The following CREBBP variants were observed in gnomAD, a reference collection of about 807,000 sequenced individuals.
CREBBP encodes CREB-binding protein.
CREBBP carries 19 observed loss-of-function variants against 265.0 expected under a neutral mutation model. That is an observed-to-expected ratio of 0.07 (90% CI 0.05 to 0.11). The LOEUF (loss-of-function observed/expected upper bound fraction) is 0.11, where lower values mean the gene tolerates loss of function less well. Among genes scored for constraint, CREBBP ranks in the 10% least tolerant of loss-of-function variants. The pLI, the probability that CREBBP is intolerant of heterozygous loss-of-function variation, is 1.00. For synonymous variants in CREBBP, 1,457 were observed against 1,223.7 expected (o/e 1.19, Z -3.98); for missense variants, 2,525 against 3,219.0 (o/e 0.78, Z 5.22).
At chr16:3,869,117 T>TGGTGA (rs1463010975) in intron 1 of CREBBP, among the ~76,000 whole-genome samples, 1 of 152,160 alleles carries the variant, frequency 6.6e-6, no homozygotes, top group Non-Finnish European at 1.5e-5. Flanking sequence ...CCATCTCCTA[T>TGGTGA]TCACCCTCAG....
intron 2 of CREBBP, among the ~76,000 whole-genome samples, chr16:3,817,770 A>G (rs931660217): frequency 1.3e-5 from 2 of 152,152 alleles, no homozygotes; most frequent in South Asian, 2.1e-4. Flanking sequence ...TTGCAGGCCA[A>G]ACTCCACTGG....
chr16:3,731,997 GC>G lies in CREBBP; in HGVS notation c.4729-61del. On this transcript the variant is annotated intron_variant, in intron 28 of 30. Coordinates refer to ENST00000262367, the MANE Select transcript of CREBBP (RefSeq NM_004380.3). This position sits in a 1 kb window ranked among gnomAD's most constrained non-coding sequence, Gnocchi z 7.7. ...GTGCCCCTCCACACTTGGCACGGAC[GC>G]CCAGCTCCCAGGCCGTGGGCATCAG... The G allele has an allele frequency of 1.2e-6, 2 of 1,612,884 alleles. No homozygotes were observed. The highest frequency in any genetic ancestry group is 8.5e-7 in the Non-Finnish European group (1 of 1,179,990).
chr16:3,862,148 C>T (rs752842553), intron 1 of CREBBP, among the ~76,000 whole-genome samples: 5 of 152,154 alleles, frequency 3.3e-5, no homozygotes, highest in African/African-American at 7.2e-5. Flanking sequence ...TAAATTAACA[C>T]GTATGTCATA....
At chr16:3,735,173 C>T (rs775437853) in intron 28 of CREBBP, among the ~76,000 whole-genome samples, 10 of 152,202 alleles carry the variant, frequency 6.6e-5, no homozygotes, top group East Asian at 1.9e-4. Flanking sequence ...CTGGCCCACA[C>T]GCCACCTCCC....
At chr16:3,832,492 CACTTTGGGTGT>C (rs1275638990) in intron 2 of CREBBP, among the ~76,000 whole-genome samples, 1 of 152,304 alleles carries the variant, frequency 6.6e-6, no homozygotes, top group Non-Finnish European at 1.5e-5. Flanking sequence ...TGGGAACTTA[CACTTTGGGTGT>C]ACTTAAACAA....
intron 1 of CREBBP, among the ~76,000 whole-genome samples, chr16:3,872,635 G>T (rs2055324257): frequency 6.6e-6 from 1 of 152,234 alleles, no homozygotes; most frequent in Admixed American, 6.5e-5. Flanking sequence ...GGACTAAAGG[G>T]AACGCTGAGC....
intron 2 of CREBBP, among the ~76,000 whole-genome samples, chr16:3,829,546 G>C (rs2054301333): frequency 6.6e-6 from 1 of 152,188 alleles, no homozygotes; most frequent in East Asian, 1.9e-4. Flanking sequence ...GTTCTGATCA[G>C]TCGGAGTTTC....
chr16:3,849,707 C>T (rs1003855957), intron 2 of CREBBP, among the ~76,000 whole-genome samples: 17 of 151,464 alleles, frequency 1.1e-4, no homozygotes, highest in Non-Finnish European at 2.1e-4. Flanking sequence ...GGCCCCACGC[C>T]GAGCTTCTGA....
chr16:3,778,063 G>T lies in CREBBP; in HGVS notation c.2061C>A (p.Ala687=). 1 of 1,614,218 alleles carries T rather than the reference G, an allele frequency of 6.2e-7. No homozygotes were observed. The highest frequency in any genetic ancestry group is 2.2e-5 in the East Asian group (1 of 44,888). The change falls in exon 10 of 31, where the codon GCC becomes GCA. Residue 687 remains alanine, a synonymous_variant. Coordinates refer to ENST00000262367, the MANE Select transcript of CREBBP (RefSeq NM_004380.3). ...GAATCACAGGGGGCTGAGCCCCCGG[G>T]GCTGGTAAGGCTGGCTGGTTCCCCA... The part of the protein sequence containing the change: ...GILGNQPALP[A]PGAQPPVIPQ...
At position 3,802,114 on chromosome 16, in the gene CREBBP, A is replaced by ATTTTTTT. The variant is rs71133657; in HGVS notation, c.975+8482_975+8488dup. 4.8e-3 allele frequency among the ~76,000 whole-genome samples: 243 copies of ATTTTTTT among 50,614 alleles called. 39 individuals are homozygous for ATTTTTTT. Among genetic ancestry groups the ATTTTTTT allele is most frequent in the African/African-American group, 0.01 (108 of 10,784 alleles). The allele number at this position is 50,614 out of a possible 152,430, so 33.2% of individuals were successfully genotyped here. A position where few individuals can be genotyped will look rare whatever the true frequency, so the allele number is the denominator to read the frequency against. ...TTTATATTTACTCTGGTATTCCTTAATTTTTTTTTTTTTTTTTTTTTTTTT... is the reference window on the plus strand; with the variant it reads ...TTTATATTTACTCTGGTATTCCTTAATTTTTTTTTTTTTTTTTTTTTTTTTTTTTTTT... On this transcript the variant is annotated intron_variant, in intron 3 of 30. Coordinates refer to ENST00000262367, the MANE Select transcript of CREBBP (RefSeq NM_004380.3).
At chr16:3,750,093 T>C (rs1046238121) in intron 20 of CREBBP, among the ~76,000 whole-genome samples, 2 of 152,106 alleles carry the variant, frequency 1.3e-5, no homozygotes, top group African/African-American at 2.4e-5. Context: ...CTCATTATGT[T>C]GCCAAGGCTG....
intron 20 of CREBBP, 32 bp downstream of exon 20, chr16:3,751,694 C>T (rs756770451): frequency 3.1e-6 from 5 of 1,604,836 alleles, no homozygotes; most frequent in Non-Finnish European, 4.3e-6. Flanking sequence ...CACCCTCCCT[C>T]ACCCCAGAGA....
intron 2 of CREBBP, among the ~76,000 whole-genome samples, chr16:3,849,465 GTGTGTGTGTGTGTGTGTGT>G (rs1445352841): frequency 4.5e-5 from 6 of 132,918 alleles, no homozygotes; most frequent in Non-Finnish European, 6.5e-5. Context: ...GTGTGTGTGT[GTGTGTGTGTGTGTGTGTGT>G]GTGTGATGTG....
intron 1 of CREBBP, among the ~76,000 whole-genome samples, chr16:3,857,505 A>G (rs927948391): frequency 2.0e-5 from 3 of 152,216 alleles, no homozygotes; most frequent in African/African-American, 7.2e-5. Context: ...GCAGGCCAGG[A>G]TATTGCAACA....
intron 13 of CREBBP, 149 bp downstream of exon 13, chr16:3,773,602 G>A (rs2053065727): frequency 3.7e-6 from 3 of 820,718 alleles, no homozygotes; most frequent in Non-Finnish European, 5.7e-6. Flanking sequence ...CAGGACAAAG[G>A]TGGAGAAAAC....
chr16:3,796,069 A>G lies in CREBBP; in HGVS notation c.976-2443T>C, dbSNP rs372048689. Among the ~76,000 whole-genome samples the G allele has an allele frequency of 3.9e-5, 6 of 152,194 alleles. No homozygotes were observed. In the South Asian group the frequency reaches 8.3e-4, roughly 21 times the overall value. ...TATCTTCCCTTTTTTTACTCCTGAC[A>G]CTACCTTGTTGAAGAGACCACACAG... On this transcript the variant is annotated intron_variant, in intron 3 of 30. Transcript: ENST00000262367.
chr16:3,849,447 GT>G (rs570615694), intron 2 of CREBBP, among the ~76,000 whole-genome samples: 379 of 31,742 alleles, frequency 0.012, 13 homozygotes, highest in Non-Finnish European at 0.024. Context: ...GTGTGTGTGT[GT>G]GTGTGTGTGT....
intron 16 of CREBBP, among the ~76,000 whole-genome samples, chr16:3,762,395 G>A (rs143700749): frequency 0.028 from 3,538 of 125,958 alleles, 68 homozygotes; most frequent in Middle Eastern, 0.09. Flanking sequence ...ATGGAGTCTC[G>A]CGCTGTCACC....
intron 2 of CREBBP, among the ~76,000 whole-genome samples, chr16:3,815,550 A>AT (rs1166085466): frequency 0.011 from 1,450 of 134,692 alleles, 17 homozygotes; most frequent in African/African-American, 0.026. Flanking sequence ...AAAAAAAAAA[A>AT]TTTTTTTTTT....
Sources: gnomAD v4.1 joint callset for allele counts (sites outside exome capture counted in the v4.1 genomes callset) on GRCh38, gnomAD v4.1.1 for gene constraint, Gnocchi (gnomAD v3.1) non-coding constraint, MANE v1.5 for transcripts, NCBI Gene and HGNC (gene_info 2026-07-23, HGNC 2026-07-21) for gene names.